The following MARVELD3 variants were observed in gnomAD, a reference collection of about 807,000 sequenced individuals.
MARVELD3 encodes MARVEL domain containing 3, also known as MARVEL domain-containing protein 3.
In MARVELD3, 28 loss-of-function variants were observed where a neutral mutation model predicts 33.5. The observed-to-expected ratio is 0.84, with a 90% CI of 0.62 to 1.15. The LOEUF is 1.15. Among genes scored for constraint, MARVELD3 ranks in the 50% most tolerant of loss-of-function variants. The pLI is 0.00. For synonymous variants in MARVELD3, 241 were observed against 230.4 expected (o/e 1.05, Z -0.42); for missense variants, 582 against 547.6 (o/e 1.06, Z -0.63).
At chr16:71,628,775 G>C (rs1288090656) in intron 1 of MARVELD3, among the ~76,000 whole-genome samples, 1 of 152,094 alleles carries the variant, frequency 6.6e-6, no homozygotes, top group Non-Finnish European at 1.5e-5. Flanking sequence ...TGATGTTCTA[G>C]AAAGACTGTG....
chr16:71,629,212 C>T (rs1185587436), intron 1 of MARVELD3, 155 bp from the exon 2 acceptor site: 10 of 864,804 alleles, frequency 1.2e-5, no homozygotes, highest in Non-Finnish European at 1.6e-5. Context: ...CGTGGGGCCA[C>T]TAAACCAGAG....
intron 1 of MARVELD3, among the ~76,000 whole-genome samples, chr16:71,627,120 T>A (rs2044481453): frequency 6.6e-6 from 1 of 152,104 alleles, no homozygotes; most frequent in South Asian, 2.1e-4. Flanking sequence ...GACTCCAAAG[T>A]CCCCTTCCTT....
rs377128652 is a variant in MARVELD3 at position 71,634,704 on chromosome 16, G to C, written c.1107G>C (p.Leu369=). 413 of 1,614,202 alleles carry C rather than the reference G, an allele frequency of 2.6e-4. 1 individual carries two copies. The South Asian group carries it at 4.1e-3, about 16-fold the overall frequency. ...ADIGAGIFAA[L]GIVVFALGAV... ...TAGGAGCTGGAATCTTTGCTGCCCT[G>C]GGCATTGTGGTCTTTGCCCTGGGGG... Residue 369 remains leucine, a synonymous_variant, in exon 3 of 3, where the codon CTG becomes CTC. Transcript: ENST00000268485.
intron 2 of MARVELD3, among the ~76,000 whole-genome samples, chr16:71,633,096 C>T (rs1356214622): frequency 6.6e-6 from 1 of 152,028 alleles, no homozygotes; most frequent in East Asian, 2.0e-4. Context: ...AGTGCAGTGG[C>T]TCACGCCTGT....
Position 71,626,277 on chromosome 16 carries a change from G to C in MARVELD3, c.48G>C (p.Glu16Asp). The change falls in exon 1 of 3, where the codon GAG (glutamate) becomes GAC (aspartate). Residue 16 changes from glutamate to aspartate, a missense_variant. Transcript: ENST00000268485. The surrounding 1 kb of genome is among the most constrained non-coding windows in gnomAD (Gnocchi z 5.3). The stretch of plus-strand genomic sequence containing the variant: ...GCGAGCCCCGGGCCCGGCCGAGAGA[G>C]CGGGACCCGGGACGGCGCCCCCACC... Reference protein sequence around the residue: ...GAREPRARPRERDPGRRPHPD... With the variant: ...GAREPRARPRDRDPGRRPHPD... 6.5e-7 allele frequency: 1 copy of C among 1,540,110 alleles called. No homozygotes were observed. The highest frequency in any genetic ancestry group is 8.8e-7 in the Non-Finnish European group (1 of 1,142,326).
intron 2 of MARVELD3, 86 bp downstream of exon 2, chr16:71,629,580 A>C (rs1434155237): frequency 2.9e-6 from 4 of 1,368,642 alleles, no homozygotes; most frequent in Middle Eastern, 3.7e-4. Flanking sequence ...CAAAAATTTA[A>C]GCAGATTCCC....
At chr16:71,634,139 G>A in intron 2 of MARVELD3, 54 bp from the exon 3 acceptor site, 1 of 1,555,204 alleles carries the variant, frequency 6.4e-7, no homozygotes, top group East Asian at 2.3e-5. Context: ...AGGTGGAAGA[G>A]TCTCCTGGTG....
At chr16:71,636,521 A>G (rs2044582145), downstream of MARVELD3, 1 of 152,114 alleles carries the variant, frequency 6.6e-6, no homozygotes, top group Admixed American at 6.6e-5. Context: ...GCAGGTATGG[A>G]TATATAGTTA....
downstream of MARVELD3, chr16:71,640,563 C>T (rs747144635): frequency 8.7e-6 from 14 of 1,614,062 alleles, no homozygotes; most frequent in Non-Finnish European, 1.1e-5. Flanking sequence ...GCAGCTGGAC[C>T]AGCAGTACAC....
chr16:71,640,999 C>A, downstream of MARVELD3: 1 of 1,610,516 alleles, frequency 6.2e-7, no homozygotes, highest in East Asian at 2.2e-5. Flanking sequence ...AGTGATGCAC[C>A]GGAATATCTG....
intron 1 of MARVELD3, among the ~76,000 whole-genome samples, chr16:71,627,580 TGAAGGG>T (rs1324812013): frequency 6.6e-6 from 1 of 152,036 alleles, no homozygotes; most frequent in Non-Finnish European, 1.5e-5. Context: ...ATTCTCCCAC[TGAAGGG>T]TACAGGTTTG....
chr16:71,640,603 G>A (rs749944055), downstream of MARVELD3: 3 of 1,614,212 alleles, frequency 1.9e-6, no homozygotes, highest in South Asian at 3.3e-5. Context: ...ATATACGGTG[G>A]CGTGGCTGTT....
Position 71,634,324 on chromosome 16 carries a change from G to T in MARVELD3, c.727G>T (p.Ala243Ser). 6.2e-7 allele frequency: 1 copy of T among 1,614,186 alleles called. No individual in the cohort carries two copies. The highest frequency in any genetic ancestry group is 1.1e-5 in the South Asian group (1 of 91,078). Residue 243 changes from alanine to serine, a missense_variant, in exon 3 of 3, where the codon GCT becomes TCT. By Grantham distance (99) the Ala-to-Ser change is moderately conservative. Coordinates refer to ENST00000268485, the MANE Select transcript of MARVELD3 (RefSeq NM_052858.6). ...CATTTACTACTATCAGTTCGGAGGGGCTTACAGTGGCTTTGATGGTGCTGA... is the reference window on the plus strand; with the variant it reads ...CATTTACTACTATCAGTTCGGAGGGTCTTACAGTGGCTTTGATGGTGCTGA... Reference protein sequence around the residue: ...GGIYYYQFGGAYSGFDGADGE... With the variant: ...GGIYYYQFGGSYSGFDGADGE...
chr16:71,631,768 G>C (rs1033825100), intron 2 of MARVELD3, among the ~76,000 whole-genome samples: 2 of 152,054 alleles, frequency 1.3e-5, no homozygotes, highest in Non-Finnish European at 2.9e-5. Context: ...TAAATAAAAT[G>C]GTGACAGAGT....
chr16:71,636,956 C>A (rs1006656071), downstream of MARVELD3, among the ~76,000 whole-genome samples: 1 of 152,148 alleles, frequency 6.6e-6, no homozygotes, highest in African/African-American at 2.4e-5. Context: ...CTCTACCAAA[C>A]CCTCTGCTGT....
At chr16:71,627,764 G>C (rs2044489155) in intron 1 of MARVELD3, among the ~76,000 whole-genome samples, 1 of 144,966 alleles carries the variant, frequency 6.9e-6, no homozygotes, top group Non-Finnish European at 1.5e-5. Flanking sequence ...GACTCTGTGA[G>C]CTAGGGGAGG....
At chr16:71,629,640 CTT>C in intron 2 of MARVELD3, 146 bp downstream of exon 2, 1 of 262,566 alleles carries the variant, frequency 3.8e-6, no homozygotes, top group Non-Finnish European at 5.9e-6. Flanking sequence ...TTCTTGTTTT[CTT>C]AAAAAAAAAA....
intron 1 of MARVELD3, 87 bp from the exon 2 acceptor site, chr16:71,629,280 G>T: frequency 7.3e-7 from 1 of 1,364,000 alleles, no homozygotes; most frequent in Non-Finnish European, 9.8e-7. Context: ...CTAATATTTG[G>T]GCCCAGCACG....
chr16:71,640,083 A>G (rs140260754), downstream of MARVELD3, among the ~76,000 whole-genome samples: 1 of 152,014 alleles, frequency 6.6e-6, no homozygotes, highest in African/African-American at 2.4e-5. Context: ...AGCCTGGCCA[A>G]CATGGTGAAA....
Sources: gnomAD v4.1 joint callset for allele counts (sites outside exome capture counted in the v4.1 genomes callset) on GRCh38, gnomAD v4.1.1 for gene constraint, Gnocchi (gnomAD v3.1) non-coding constraint, MANE v1.5 for transcripts, NCBI Gene and HGNC (gene_info 2026-07-23, HGNC 2026-07-21) for gene names.